PHACTR3: variants seen among roughly 807,000 people sequenced by gnomAD.
PHACTR3 encodes the protein phosphatase and actin regulator 3, also known as protein phosphatase 1, regulatory subunit 123.
In PHACTR3, 16 loss-of-function variants were observed where a neutral mutation model predicts 66.8. That is an observed-to-expected ratio of 0.24 (90% CI 0.16 to 0.36). PHACTR3 has a LOEUF of 0.36. PHACTR3 is among the 10% of genes least tolerant of loss of function. The pLI, the probability that PHACTR3 is intolerant of heterozygous loss-of-function variation, is 1.00. For missense variants in PHACTR3, 647 were observed against 719.9 expected (o/e 0.90, Z 1.16); for synonymous variants, 323 against 292.1 (o/e 1.11, Z -1.08).
At chr20:59,579,447 C>A (rs1189749932) in intron 1 of PHACTR3, among the ~76,000 whole-genome samples, 2 of 152,166 alleles carry the variant, frequency 1.3e-5, no homozygotes, top group Non-Finnish European at 2.9e-5. Flanking sequence ...AGCAGGGAGG[C>A]CCTGAGGTGA....
At chr20:59,627,925 G>A (rs990822630) in intron 1 of PHACTR3, among the ~76,000 whole-genome samples, 3 of 151,430 alleles carry the variant, frequency 2.0e-5, no homozygotes, top group Non-Finnish European at 2.9e-5. Context: ...TCTGCTAATC[G>A]ATCATCTACC....
At chr20:59,641,258 A>G (rs1344829784) in intron 1 of PHACTR3, among the ~76,000 whole-genome samples, 2 of 151,842 alleles carry the variant, frequency 1.3e-5, no homozygotes, top group Admixed American at 6.6e-5. Flanking sequence ...CTCTCTCTCT[A>G]TCATTTTCAT....
intron 1 of PHACTR3, among the ~76,000 whole-genome samples, chr20:59,661,664 A>G (rs2035809006): frequency 6.6e-6 from 1 of 152,044 alleles, no homozygotes; most frequent in African/African-American, 2.4e-5. Context: ...GGACTTCCAC[A>G]GGGCTTCTTT....
chr20:59,839,447 T>C (rs1475187739), intron 9 of PHACTR3, among the ~76,000 whole-genome samples: 1 of 152,214 alleles, frequency 6.6e-6, no homozygotes, highest in East Asian at 1.9e-4. Flanking sequence ...TAATTGCAAG[T>C]GGCAGGATTT....
intron 1 of PHACTR3, among the ~76,000 whole-genome samples, chr20:59,614,938 GT>G (rs2033979637): frequency 6.6e-6 from 1 of 152,098 alleles, no homozygotes; most frequent in South Asian, 2.1e-4. Context: ...ACTTTGGCAC[GT>G]TTATTGGCCG....
At chr20:59,742,896 C>T (rs758309202) in intron 1 of PHACTR3, among the ~76,000 whole-genome samples, 30 of 152,120 alleles carry the variant, frequency 2.0e-4, no homozygotes, top group Non-Finnish European at 3.4e-4. Flanking sequence ...GTGAGTGGGT[C>T]GCAGGAGGGA....
chr20:59,599,244 G>T (rs2033407546), intron 1 of PHACTR3, among the ~76,000 whole-genome samples: 1 of 152,174 alleles, frequency 6.6e-6, no homozygotes, highest in African/African-American at 2.4e-5. Flanking sequence ...CAATGGATAT[G>T]TATGTACTGG....
chr20:59,662,167 G>A (rs1409564638), intron 1 of PHACTR3, among the ~76,000 whole-genome samples: 2 of 152,164 alleles, frequency 1.3e-5, no homozygotes, highest in Non-Finnish European at 2.9e-5. Context: ...GGATTCTGGT[G>A]GTGAACAAGA....
chr20:59,769,831 C>A (rs2040305146), intron 5 of PHACTR3, among the ~76,000 whole-genome samples: 1 of 152,188 alleles, frequency 6.6e-6, no homozygotes, highest in Admixed American at 6.5e-5. Flanking sequence ...GTAGATGAAT[C>A]CAAATATTCA....
intron 1 of PHACTR3, among the ~76,000 whole-genome samples, chr20:59,667,246 A>G (rs1395495973): frequency 6.6e-6 from 1 of 152,220 alleles, no homozygotes; most frequent in Non-Finnish European, 1.5e-5. Context: ...ATCAGAAGTA[A>G]AAGTAAAAAA....
At chr20:59,716,057 C>T (rs993100749) in intron 1 of PHACTR3, among the ~76,000 whole-genome samples, 1 of 152,032 alleles carries the variant, frequency 6.6e-6, no homozygotes, top group Non-Finnish European at 1.5e-5. Context: ...AGCTCTGGGT[C>T]CCTGTGTGCT....
At chr20:59,680,589 G>A (rs1369438842) in intron 1 of PHACTR3, among the ~76,000 whole-genome samples, 1 of 152,156 alleles carries the variant, frequency 6.6e-6, no homozygotes, top group African/African-American at 2.4e-5. Flanking sequence ...AAGGCCTGTG[G>A]GACGCATGCA....
intron 4 of PHACTR3, among the ~76,000 whole-genome samples, chr20:59,763,060 A>G (rs1453099234): frequency 1.3e-5 from 2 of 152,146 alleles, no homozygotes; most frequent in Non-Finnish European, 2.9e-5. Flanking sequence ...TATAATCCCC[A>G]CAATCCCCAT....
intron 1 of PHACTR3, among the ~76,000 whole-genome samples, chr20:59,582,754 A>AG (rs1461436069): frequency 5.9e-5 from 9 of 151,888 alleles, no homozygotes; most frequent in African/African-American, 2.2e-4. Context: ...CTCTTTTTCC[A>AG]GGGGGGTCGT....
At chr20:59,611,080 A>C (rs1359113793) in intron 1 of PHACTR3, among the ~76,000 whole-genome samples, 1 of 152,248 alleles carries the variant, frequency 6.6e-6, no homozygotes, top group Non-Finnish European at 1.5e-5. Flanking sequence ...CCCTGGGGCT[A>C]AATAAATGTG....
At chr20:59,741,116 G>A (rs982605619) in intron 1 of PHACTR3, among the ~76,000 whole-genome samples, 2 of 152,194 alleles carry the variant, frequency 1.3e-5, no homozygotes, top group Non-Finnish European at 2.9e-5. Flanking sequence ...CCTTCCTCAG[G>A]TGAGCCCTTG....
chr20:59,836,712 C>A (rs2058974068), intron 9 of PHACTR3, 152 bp downstream of exon 9: 2 of 713,356 alleles, frequency 2.8e-6, no homozygotes, highest in African/African-American at 1.9e-5. Flanking sequence ...TGAAAGCAAG[C>A]CCCAAAGGAA....
At chr20:59,662,468 G>A (rs979644224) in intron 1 of PHACTR3, among the ~76,000 whole-genome samples, 3 of 152,150 alleles carry the variant, frequency 2.0e-5, no homozygotes, top group African/African-American at 7.2e-5. Flanking sequence ...AGAGCAGGAT[G>A]TATGGACCAA....
At chr20:59,835,465 A>T (rs2042500261) in intron 8 of PHACTR3, among the ~76,000 whole-genome samples, 1 of 152,112 alleles carries the variant, frequency 6.6e-6, no homozygotes, top group Admixed American at 6.5e-5. Flanking sequence ...AATAGGAGAT[A>T]AATAATTTTT....
Sources: gnomAD v4.1 joint callset for allele counts (sites outside exome capture counted in the v4.1 genomes callset) on GRCh38, gnomAD v4.1.1 for gene constraint, MANE v1.5 for transcripts, NCBI Gene and HGNC (gene_info 2026-07-23, HGNC 2026-07-21) for gene names.